ZNF385D: variants seen among roughly 807,000 people sequenced by gnomAD.
ZNF385D encodes zinc finger protein 385D, also known as zinc finger protein 659.
Under a neutral mutation model 35.8 loss-of-function variants are expected in ZNF385D, and 15 were observed. The ratio of observed to expected loss-of-function variants is 0.42; its 90% CI spans 0.28 to 0.64. The LOEUF (loss-of-function observed/expected upper bound fraction) is 0.64, where lower values mean the gene tolerates loss of function less well. ZNF385D is among the 30% of genes least tolerant of loss of function. The probability of loss-of-function intolerance (pLI) is 0.23; values close to 1 mark genes in which losing one functional copy is unlikely to be tolerated. For missense variants in ZNF385D, 474 were observed against 494.6 expected (o/e 0.96, Z 0.39); for synonymous variants, 212 against 186.8 (o/e 1.13, Z -1.10).
intron 3 of ZNF385D, among the ~76,000 whole-genome samples, chr3:21,940,246 G>A (rs943601307): frequency 2.6e-5 from 4 of 152,006 alleles, no homozygotes; most frequent in Non-Finnish European, 5.9e-5. Flanking sequence ...CAGGTAATGT[G>A]ATGTAGCAAA....
At chr3:21,429,347 G>A (rs554853958) in intron 5 of ZNF385D, among the ~76,000 whole-genome samples, 1 of 152,086 alleles carries the variant, frequency 6.6e-6, no homozygotes, top group East Asian at 1.9e-4. Context: ...AAGTGGCTTT[G>A]CATAAAATTC....
intron 2 of ZNF385D, among the ~76,000 whole-genome samples, chr3:22,307,864 T>C (rs182161906): frequency 6.6e-6 from 1 of 152,162 alleles, no homozygotes; most frequent in Admixed American, 6.6e-5. Flanking sequence ...CAGAGAAGAC[T>C]AGTAAGATCA....
intron 2 of ZNF385D, among the ~76,000 whole-genome samples, chr3:22,223,081 T>C (rs1698354857): frequency 2.0e-5 from 3 of 152,150 alleles, no homozygotes; most frequent in Admixed American, 6.6e-5. Context: ...TCTTGGATAT[T>C]ATCATTTAAA....
intron 3 of ZNF385D, among the ~76,000 whole-genome samples, chr3:21,905,860 C>A (rs955960483): frequency 3.9e-5 from 6 of 151,938 alleles, no homozygotes; most frequent in African/African-American, 1.5e-4. Flanking sequence ...TCTGGAAAAT[C>A]GTATTTTAAC....
chr3:22,030,285 A>ATATATG (rs1553591345), intron 3 of ZNF385D, among the ~76,000 whole-genome samples: 1 of 86,744 alleles, frequency 1.2e-5, no homozygotes, highest in African/African-American at 5.7e-5. Flanking sequence ...ATATATATAT[A>ATATATG]TATATATATA....
chr3:21,734,303 G>T (rs1369508123), intron 1 of ZNF385D, among the ~76,000 whole-genome samples: 3 of 150,936 alleles, frequency 2.0e-5, no homozygotes, highest in Non-Finnish European at 3.0e-5. Context: ...TTTCAGATAT[G>T]TTGGAGAAAC....
At chr3:21,511,943 T>A (rs567932818) in intron 3 of ZNF385D, among the ~76,000 whole-genome samples, 13 of 151,010 alleles carry the variant, frequency 8.6e-5, no homozygotes, top group South Asian at 2.1e-4. Flanking sequence ...GGTCAAGAGA[T>A]CAAGACTATC....
At chr3:21,496,733 AG>A (rs1033658712) in intron 4 of ZNF385D, among the ~76,000 whole-genome samples, 4 of 151,908 alleles carry the variant, frequency 2.6e-5, no homozygotes, top group African/African-American at 9.7e-5. Flanking sequence ...CCTGAAGTAC[AG>A]GGTTGGTTCA....
At chr3:22,303,943 A>G (rs559567683) in intron 2 of ZNF385D, among the ~76,000 whole-genome samples, 21 of 152,154 alleles carry the variant, frequency 1.4e-4, no homozygotes, top group African/African-American at 5.1e-4. Context: ...ACGCCCGGCT[A>G]ATTTTTGTAT....
chr3:22,359,061 C>A (rs941253858), intron 2 of ZNF385D, among the ~76,000 whole-genome samples: 9 of 139,850 alleles, frequency 6.4e-5, no homozygotes, highest in African/African-American at 2.2e-4. Context: ...AACAAACAAA[C>A]AAACAAAAAA....
At position 21,836,102 on chromosome 3, in the gene ZNF385D, T is replaced by C. The variant is rs575183753; in HGVS notation, c.326-171074A>G. ...ATAACTTCTTTTGCAGAACTTTTAA[T>C]TGCAGATTATGGAAGCAAATTTTGG... On this transcript the variant is annotated intron_variant, in intron 3 of 5. Coordinates refer to the ZNF385D transcript ENST00000494108. Among the ~76,000 whole-genome samples the C allele has an allele frequency of 3.4e-4, 52 of 152,204 alleles. 2 individuals are homozygous for C. In the South Asian group the frequency reaches 9.8e-3, roughly 29 times the overall value.
chr3:21,649,944 T>C (rs2065863559), intron 2 of ZNF385D, among the ~76,000 whole-genome samples: 2 of 152,122 alleles, frequency 1.3e-5, no homozygotes, highest in African/African-American at 4.8e-5. Context: ...CAGTGTCAGT[T>C]CAATATCATG....
chr3:22,088,200 G>A (rs144433523), intron 3 of ZNF385D, among the ~76,000 whole-genome samples: 3 of 152,162 alleles, frequency 2.0e-5, no homozygotes, highest in Non-Finnish European at 4.4e-5. Flanking sequence ...TAGGCTGCAA[G>A]GCATGTTAAC....
intron 1 of ZNF385D, among the ~76,000 whole-genome samples, chr3:21,703,800 T>G (rs1328862265): frequency 1.3e-5 from 2 of 152,172 alleles, no homozygotes; most frequent in Admixed American, 6.5e-5. Context: ...CTTCTTGACC[T>G]TTGGGATTAA....
rs541544073 is a variant in ZNF385D at position 22,202,166 on chromosome 3, A to G, written c.107-33131T>C. 1.8e-3 allele frequency among the ~76,000 whole-genome samples: 279 copies of G among 152,230 alleles called. 1 individual carries two copies. Among genetic ancestry groups the G allele is most frequent in the Admixed American group, 4.7e-3 (72 of 15,248 alleles). On this transcript the variant is annotated intron_variant, in intron 2 of 5. Transcript: ENST00000494108. Reference sequence around the variant, plus strand: ...TATGTATTCATAGTTAACTATTACTATCTTACTGCAGTGATATAAAAACTA... The same window carrying G: ...TATGTATTCATAGTTAACTATTACTGTCTTACTGCAGTGATATAAAAACTA...
intron 2 of ZNF385D, among the ~76,000 whole-genome samples, chr3:22,171,876 CAAAAAAAAA>C (rs370469654): frequency 0.13 from 12,954 of 100,742 alleles, 749 homozygotes; most frequent in Middle Eastern, 0.28. Flanking sequence ...GACTCGGTCT[CAAAAAAAAA>C]AAAAAAAAAA....
chr3:21,690,108 CAT>C, intron 1 of ZNF385D, among the ~76,000 whole-genome samples: 1 of 152,124 alleles, frequency 6.6e-6, no homozygotes, highest in East Asian at 1.9e-4. Context: ...ATACATGTAA[CAT>C]ATTTCAGTAA....
intron 2 of ZNF385D, among the ~76,000 whole-genome samples, chr3:22,363,843 T>A (rs1696529170): frequency 6.6e-6 from 1 of 152,084 alleles, no homozygotes; most frequent in African/African-American, 2.4e-5. Flanking sequence ...ACTGCATAGA[T>A]CACATTTATA....
rs192766551 is a variant in ZNF385D at position 22,158,500 on chromosome 3, A to G, written c.325+10317T>C. Among the ~76,000 whole-genome samples the G allele has an allele frequency of 6.0e-4, 91 of 152,108 alleles. 1 individual carries two copies. The South Asian group carries it at 0.013, about 21-fold the overall frequency. Reference sequence around the variant, plus strand: ...TGCTGCTATACATCTATTTGCTTTTATTTTCAAGTTTCTTACAAAATACTA... The same window carrying G: ...TGCTGCTATACATCTATTTGCTTTTGTTTTCAAGTTTCTTACAAAATACTA... On this transcript the variant is annotated intron_variant, in intron 3 of 5. Coordinates refer to the ZNF385D transcript ENST00000494108.
Sources: allele counts gnomAD v4.1 joint callset (sites outside exome capture counted in the v4.1 genomes callset), GRCh38; gene constraint gnomAD v4.1.1; transcripts MANE v1.5; gene names NCBI Gene and HGNC (gene_info 2026-07-23, HGNC 2026-07-21).